Variants in LRRC4C observed in about 807,000 individuals in gnomAD.
LRRC4C encodes leucine-rich repeat-containing protein 4C.
A neutral mutation model predicts 33.6 loss-of-function variants in LRRC4C; 5 were observed. That is an observed-to-expected ratio of 0.15 (90% CI 0.08 to 0.31). The LOEUF (loss-of-function observed/expected upper bound fraction) is 0.31. Among genes scored for constraint, LRRC4C ranks in the 10% least tolerant of loss-of-function variants. The pLI, the probability that LRRC4C is intolerant of heterozygous loss-of-function variation, is 1.00. For missense variants in LRRC4C, 560 were observed against 796.7 expected (o/e 0.70, Z 3.58); for synonymous variants, 329 against 302.0 (o/e 1.09, Z -0.93).
chr11:40,326,291 C>T (rs940195253), intron 3 of LRRC4C, among the ~76,000 whole-genome samples: 4 of 152,058 alleles, frequency 2.6e-5, no homozygotes, highest in African/African-American at 9.7e-5. Context: ...TGGCCAGGCG[C>T]AGTGGCTCAT....
rs149766637 is a variant in LRRC4C at position 40,661,835 on chromosome 11, T to C, written c.-406-13557A>G. 4.4e-3 allele frequency among the ~76,000 whole-genome samples: 672 copies of C among 152,320 alleles called. 6 individuals are homozygous for C. Among genetic ancestry groups the C allele is most frequent in the African/African-American group, 0.016 (646 of 41,576 alleles). ...AGCTTGATTCTTTATAGTCTATGTG[T>C]CAACTCTGCTACCTTCTTGTTACAC... On this transcript the variant is annotated intron_variant, in intron 2 of 6. Transcript: ENST00000528697.
chr11:41,195,113 C>T (rs1397201454), intron 1 of LRRC4C, among the ~76,000 whole-genome samples: 6 of 152,006 alleles, frequency 3.9e-5, no homozygotes, highest in Non-Finnish European at 5.9e-5. Context: ...TTCTCTTTTG[C>T]TCCCCTGTAT....
chr11:40,397,219 C>T (rs529885918), intron 3 of LRRC4C, among the ~76,000 whole-genome samples: 29 of 152,108 alleles, frequency 1.9e-4, no homozygotes, highest in African/African-American at 7.0e-4. Flanking sequence ...TAAAATATTT[C>T]GTCTTCTAAT....
At chr11:40,425,123 T>C (rs555995637) in intron 3 of LRRC4C, among the ~76,000 whole-genome samples, 2 of 119,422 alleles carry the variant, frequency 1.7e-5, no homozygotes, top group Admixed American at 8.5e-5. Flanking sequence ...CTCATCTTTG[T>C]GGGGAAAAAA....
At chr11:41,410,260 C>G (rs1954412937) in intron 1 of LRRC4C, among the ~76,000 whole-genome samples, 1 of 152,308 alleles carries the variant, frequency 6.6e-6, no homozygotes, top group South Asian at 2.1e-4. Flanking sequence ...GGGTAGATAA[C>G]TTCATGGCCT....
At chr11:41,160,362 G>A (rs1944414799) in intron 1 of LRRC4C, among the ~76,000 whole-genome samples, 2 of 148,396 alleles carry the variant, frequency 1.3e-5, no homozygotes, top group South Asian at 2.1e-4. Flanking sequence ...CCTAGGCAAC[G>A]TAGCAAGACC....
At chr11:40,327,868 C>T (rs1456715689) in intron 3 of LRRC4C, among the ~76,000 whole-genome samples, 1 of 151,882 alleles carries the variant, frequency 6.6e-6, no homozygotes, top group African/African-American at 2.4e-5. Context: ...TTATGTTGAC[C>T]TATAAAAACT....
At chr11:40,818,232 C>T (rs1282965800) in intron 2 of LRRC4C, among the ~76,000 whole-genome samples, 1 of 152,114 alleles carries the variant, frequency 6.6e-6, no homozygotes, top group Non-Finnish European at 1.5e-5. Context: ...TCCATAACAT[C>T]TGTGAAAATC....
At chr11:41,006,979 C>G (rs1387775210) in intron 1 of LRRC4C, among the ~76,000 whole-genome samples, 25 of 151,954 alleles carry the variant, frequency 1.6e-4, no homozygotes, top group Admixed American at 1.6e-3. Flanking sequence ...ATGATTGCCC[C>G]AAAGGCACTG....
intron 3 of LRRC4C, among the ~76,000 whole-genome samples, chr11:40,634,046 T>C (rs1963741948): frequency 6.6e-6 from 1 of 152,224 alleles, no homozygotes; most frequent in Admixed American, 6.5e-5. Flanking sequence ...CAGGTTGTAG[T>C]CACACTTGGA....
Position 40,591,373 on chromosome 11 carries a change from C to G in LRRC4C, c.-270+56769G>C, listed in dbSNP as rs60900420. On this transcript the variant is annotated intron_variant, in intron 3 of 6. Transcript: ENST00000528697. ...GCACGGACCCACTGACCTGCGCCCA[C>G]TGTCTGGCACTCCCTAGTGAGATGA... Among the ~76,000 whole-genome samples, 503 of 152,284 alleles carry G rather than the reference C, an allele frequency of 3.3e-3. 4 individuals are homozygous for G. The highest frequency in any genetic ancestry group is 0.012 in the African/African-American group (483 of 41,564).
intron 2 of LRRC4C, among the ~76,000 whole-genome samples, chr11:40,662,445 A>C (rs1495297): frequency 0.56 from 85,414 of 151,960 alleles, 25,008 homozygotes; most frequent in East Asian, 0.71. Context: ...AGAAAAGACA[A>C]CCTTGCAGAC....
At chr11:40,910,067 T>G (rs2136256339) in intron 2 of LRRC4C, among the ~76,000 whole-genome samples, 1 of 152,264 alleles carries the variant, frequency 6.6e-6, no homozygotes, top group African/African-American at 2.4e-5. Flanking sequence ...AGGATCAAAA[T>G]AAGACCTGTA....
At chr11:40,236,646 A>G (rs1212857967) in intron 5 of LRRC4C, among the ~76,000 whole-genome samples, 1 of 152,032 alleles carries the variant, frequency 6.6e-6, no homozygotes, top group Admixed American at 6.6e-5. Context: ...CCCCTCCCCC[A>G]GCTCTCTTTT....
At chr11:40,838,321 T>C (rs1261066879) in intron 2 of LRRC4C, among the ~76,000 whole-genome samples, 3 of 152,188 alleles carry the variant, frequency 2.0e-5, no homozygotes, top group Non-Finnish European at 2.9e-5. Flanking sequence ...CATTTTTAAT[T>C]CTTTCTCAAT....
At chr11:40,352,149 TCC>T in intron 3 of LRRC4C, among the ~76,000 whole-genome samples, 1 of 147,854 alleles carries the variant, frequency 6.8e-6, no homozygotes, top group Non-Finnish European at 1.5e-5. Flanking sequence ...CTTCCTTCCT[TCC>T]TTCCTTCCTT....
chr11:40,658,984 G>A (rs1043645421), intron 2 of LRRC4C, among the ~76,000 whole-genome samples: 63 of 152,318 alleles, frequency 4.1e-4, no homozygotes, highest in African/African-American at 1.5e-3. Context: ...GCACCCTAAT[G>A]AGTTGGCAGG....
At chr11:40,233,268 T>C (rs930548604) in intron 5 of LRRC4C, among the ~76,000 whole-genome samples, 4 of 152,200 alleles carry the variant, frequency 2.6e-5, no homozygotes, top group Non-Finnish European at 4.4e-5. Context: ...TCCATAAGTA[T>C]AGCAACTGCG....
At chr11:41,268,245 C>T (rs1433076681) in intron 1 of LRRC4C, among the ~76,000 whole-genome samples, 3 of 152,098 alleles carry the variant, frequency 2.0e-5, no homozygotes, top group South Asian at 2.1e-4. Flanking sequence ...GCAGTCTCCA[C>T]TGTATGGATG....
Sources: gnomAD v4.1 joint callset for allele counts (sites outside exome capture counted in the v4.1 genomes callset) on GRCh38, gnomAD v4.1.1 for gene constraint, MANE v1.5 for transcripts, NCBI Gene and HGNC (gene_info 2026-07-23, HGNC 2026-07-21) for gene names.